MIER1: variants seen among roughly 807,000 people sequenced by gnomAD.
MIER1 encodes the protein MIER1 transcriptional regulator, also known as mesoderm induction early response protein 1.
MIER1 carries 40 observed loss-of-function variants against 75.7 expected under a neutral mutation model. That is an observed-to-expected ratio of 0.53 (90% CI 0.41 to 0.69). The LOEUF (loss-of-function observed/expected upper bound fraction) is 0.69. MIER1 is among the 30% of genes least tolerant of loss of function. The pLI, the probability that MIER1 is intolerant of heterozygous loss-of-function variation, is 0.00. For synonymous variants in MIER1, 213 were observed against 223.4 expected (o/e 0.95, Z 0.42); for missense variants, 574 against 680.2 (o/e 0.84, Z 1.74).
At chr1:66,939,996 T>TA in intron 2 of MIER1, 32 bp from the exon 3 acceptor site, 1 of 1,562,260 alleles carries the variant, frequency 6.4e-7, no homozygotes, top group Non-Finnish European at 8.8e-7. Flanking sequence ...TATACAGAAA[T>TA]ACTAATTTTT....
Position 66,987,613 on chromosome 1 carries a change from C to T in MIER1, c.*2713C>T, listed in dbSNP as rs747930652. ...TGCACTGTAAAATAATTCCCTTCTC[C>T]CATTCCTTGTCTGCCATTCTGAATA... is the stretch of plus-strand genomic sequence containing the variant. On this transcript the variant is annotated 3_prime_UTR_variant, in exon 14 of 14. Coordinates refer to ENST00000401041, the MANE Select transcript of MIER1 (RefSeq NM_001077700.3). The T allele has an allele frequency of 6.6e-6, 1 of 152,486 alleles. No individual in the cohort carries two copies. The allele number at this position is 152,486 out of a possible 1,614,324, so 9.4% of individuals were successfully genotyped here.
intron 8 of MIER1, among the ~76,000 whole-genome samples, chr1:66,964,448 C>CTTTTTTTTTTTTTTTTTTT (rs71058483): frequency 8.3e-6 from 1 of 119,800 alleles, no homozygotes; most frequent in African/African-American, 3.2e-5. Flanking sequence ...TGTATGTTTC[C>CTTTTTTTTTTTTTTTTTTT]TTTTTTTTTT....
chr1:66,975,343 A>G (rs1664488322), intron 11 of MIER1, among the ~76,000 whole-genome samples: 1 of 152,012 alleles, frequency 6.6e-6, no homozygotes, highest in Non-Finnish European at 1.5e-5. Context: ...CCTAGGCAAC[A>G]TGGCAAAACC....
chr1:66,942,278 T>C (rs1381931392), intron 3 of MIER1, among the ~76,000 whole-genome samples: 2 of 152,190 alleles, frequency 1.3e-5, no homozygotes, highest in African/African-American at 4.8e-5. Flanking sequence ...GTAATAATAG[T>C]CACATGACCA....
chr1:66,986,686 CTGT>C lies in MIER1; in HGVS notation c.*1791_*1793del. The C allele has an allele frequency of 2.0e-6, 1 of 489,068 alleles. No individual in the cohort carries two copies. The highest frequency in any genetic ancestry group is 3.6e-6 in the Non-Finnish European group (1 of 275,138). 30.3% of individuals were successfully genotyped at this position (489,068 alleles called of 1,614,324 possible). A position where few individuals can be genotyped will look rare whatever the true frequency, so the allele number is the denominator to read the frequency against. On this transcript the variant is annotated 3_prime_UTR_variant, in exon 14 of 14. Coordinates refer to ENST00000401041, the MANE Select transcript of MIER1 (RefSeq NM_001077700.3). ...TTGACTTCATCTTAATGTACATTCACTGTTGTTACATACATATCTAAGTAAATC... is the reference window on the plus strand; with the variant it reads ...TTGACTTCATCTTAATGTACATTCACTGTTACATACATATCTAAGTAAATC...
At position 66,976,650 on chromosome 1, in the gene MIER1, C is replaced by G. The variant is rs1353098725; in HGVS notation, c.1157C>G (p.Ser386Cys). ...GCATTCTATTACATGTGGAAAAAAT[C>G]TGAACGTTATGATTTCTTTGCTCAG... ...CVAFYYMWKK[S>C]ERYDFFAQQT... Residue 386 changes from serine (S) to cysteine (C), a missense_variant, in exon 12 of 14, where the codon TCT (serine) becomes TGT (cysteine). By Grantham distance (112) the Ser-to-Cys change is moderately radical. Coordinates refer to ENST00000401041, the MANE Select transcript of MIER1 (RefSeq NM_001077700.3). 2.5e-6 allele frequency: 4 copies of G among 1,607,644 alleles called. No homozygotes were observed. The highest frequency in any genetic ancestry group is 3.4e-6 in the Non-Finnish European group (4 of 1,177,066).
chr1:66,978,216 G>A (rs1665151553), intron 12 of MIER1, among the ~76,000 whole-genome samples: 1 of 135,258 alleles, frequency 7.4e-6, no homozygotes, highest in Non-Finnish European at 1.7e-5. Context: ...AAAAAAAGAT[G>A]TGCTTGTATG....
Position 66,971,351 on chromosome 1 carries a change from T to C in MIER1, c.925-304T>C, listed in dbSNP as rs192950226. Among the ~76,000 whole-genome samples the C allele has an allele frequency of 3.5e-3, 540 of 152,134 alleles. 3 individuals are homozygous for C. Among genetic ancestry groups the C allele is most frequent in the African/African-American group, 0.012 (516 of 41,564 alleles). ...TTTTTTTCTGATTTGTTTAAAATTA[T>C]AGGAATCTCAAGAAGCCACAAAGAA... On this transcript the variant is annotated intron_variant, in intron 9 of 13. Transcript: ENST00000401041.
rs1223455801 is a variant in MIER1, at chr1:66,986,763, GT to G, written c.*1867del. ...GAAGTATGAGTTTTTTGTTGTTTTT[GT>G]TTTACTTAAAACTTTTAATTTATCC... On this transcript the variant is annotated 3_prime_UTR_variant, in exon 14 of 14. Coordinates refer to ENST00000401041, the MANE Select transcript of MIER1 (RefSeq NM_001077700.3). 3.6e-6 allele frequency: 1 copy of G among 277,398 alleles called. No individual in the cohort carries two copies. Among genetic ancestry groups the G allele is most frequent in the Admixed American group, 5.1e-5 (1 of 19,456 alleles). 17.2% of individuals were successfully genotyped at this position (277,398 alleles called of 1,614,324 possible).
chr1:66,951,042 G>A (rs1257417762), intron 4 of MIER1, among the ~76,000 whole-genome samples: 1 of 152,172 alleles, frequency 6.6e-6, no homozygotes, highest in Admixed American at 6.5e-5. Flanking sequence ...CTGATGTGAG[G>A]GAGAAGGAGC....
Position 66,986,550 on chromosome 1 carries a change from T to G in MIER1, c.*1650T>G. 9.1e-7 allele frequency: 1 copy of G among 1,102,664 alleles called. No individual in the cohort carries two copies. Among genetic ancestry groups the G allele is most frequent in the East Asian group, 2.4e-5 (1 of 42,418 alleles). 68.3% of individuals were successfully genotyped at this position (1,102,664 alleles called of 1,614,324 possible). A position where few individuals can be genotyped will look rare whatever the true frequency, so the allele number is the denominator to read the frequency against. On this transcript the variant is annotated 3_prime_UTR_variant, in exon 14 of 14. Coordinates refer to ENST00000401041, the MANE Select transcript of MIER1 (RefSeq NM_001077700.3). The stretch of plus-strand genomic sequence containing the variant: ...AAGGTTTGCACTGAGAAATTAGCAT[T>G]CAGGCCTTACCCCCATGAAGTATTA...
At position 66,984,593 on chromosome 1, in the gene MIER1, G is replaced by T; in HGVS notation, c.1391G>T (p.Gly464Val). The change falls in exon 14 of 14, where the codon GGT (glycine) becomes GTT (valine). Residue 464 changes from glycine to valine, a missense_variant. By Grantham distance (109) the Gly-to-Val change is moderately radical. Transcript: ENST00000401041. ...NQNGVSSNGPGEILNKEEVKV... is the reference protein window; with the variant it reads ...NQNGVSSNGPVEILNKEEVKV... Reference sequence around the variant, plus strand: ...TTAGGAGTGTCATCTAATGGACCAGGTGAAATATTAAACAAAGAGGAAGTA... The same window carrying T: ...TTAGGAGTGTCATCTAATGGACCAGTTGAAATATTAAACAAAGAGGAAGTA... 1 of 1,604,100 alleles carries T rather than the reference G, an allele frequency of 6.2e-7. No individual in the cohort carries two copies. The highest frequency in any genetic ancestry group is 1.7e-5 in the Admixed American group (1 of 58,038).
At position 66,976,018 on chromosome 1, in the gene MIER1, C is replaced by T. The variant is rs115174320; in HGVS notation, c.1102-577C>T. Among the ~76,000 whole-genome samples, 959 of 152,102 alleles carry T rather than the reference C, an allele frequency of 6.3e-3. 7 individuals carry two copies. The highest frequency in any genetic ancestry group is 0.022 in the African/African-American group (893 of 41,424). ...TGTGTGTGTGTGTGAGACTGAGTCT[C>T]ATTCTGTCACCCAGGTGGGAGTGCA... On this transcript the variant is annotated intron_variant, in intron 11 of 13. Transcript: ENST00000401041.
At chr1:66,963,573 G>A (rs1258817666) in intron 8 of MIER1, among the ~76,000 whole-genome samples, 3 of 152,056 alleles carry the variant, frequency 2.0e-5, no homozygotes, top group African/African-American at 7.2e-5. Flanking sequence ...CAGCTTATTT[G>A]CTCCTGAAAC....
At chr1:66,944,644 T>C (rs1237238105) in intron 3 of MIER1, among the ~76,000 whole-genome samples, 3 of 152,076 alleles carry the variant, frequency 2.0e-5, no homozygotes, top group Admixed American at 2.0e-4. Context: ...TAAATTTTGC[T>C]CTTCTACTCA....
rs1654157008 is a variant in MIER1 at position 66,934,266 on chromosome 1, A to G, written c.169-5762A>G. Among the ~76,000 whole-genome samples, 5 of 152,288 alleles carry G rather than the reference A, an allele frequency of 3.3e-5. No individual in the cohort carries two copies. The South Asian group carries it at 1.0e-3, about 32-fold the overall frequency. ...GTCTTGAAGAAATCTAAATCTTTTG[A>G]TCATAGAGAAAATGAAAGTGAGCAG... On this transcript the variant is annotated intron_variant, in intron 2 of 13. Coordinates refer to ENST00000401041, the MANE Select transcript of MIER1 (RefSeq NM_001077700.3).
intron 2 of MIER1, chr1:66,930,376 C>T (rs377376255): frequency 1.2e-5 from 19 of 1,607,900 alleles, no homozygotes; most frequent in East Asian, 2.3e-5. Flanking sequence ...AGATGTGACC[C>T]GGCAGTACGG....
rs950863730 is a variant in MIER1 at position 66,988,373 on chromosome 1, GT to G, written c.*3477del. The G allele has an allele frequency of 1.2e-4, 19 of 152,048 alleles. No homozygotes were observed. The highest frequency in any genetic ancestry group is 4.6e-4 in the African/African-American group (19 of 41,506). The allele number at this position is 152,048 out of a possible 1,614,324, so 9.4% of individuals were successfully genotyped here. On this transcript the variant is annotated 3_prime_UTR_variant, in exon 14 of 14. Transcript: ENST00000401041. ...TTCATCCTTTGCAGAATCTTAAAGG[GT>G]TTTCCACACATCCATCCACCCACTT...
At chr1:66,936,387 A>T (rs1389328715) in intron 2 of MIER1, among the ~76,000 whole-genome samples, 10 of 142,394 alleles carry the variant, frequency 7.0e-5, no homozygotes, top group South Asian at 6.7e-4. Flanking sequence ...ATTTTTTATT[A>T]AAAAAAAAAA....
Sources: gnomAD v4.1 joint callset for allele counts (sites outside exome capture counted in the v4.1 genomes callset) on GRCh38, gnomAD v4.1.1 for gene constraint, MANE v1.5 for transcripts, NCBI Gene and HGNC (gene_info 2026-07-23, HGNC 2026-07-21) for gene names.